RNGTT: variants seen among roughly 807,000 people sequenced by gnomAD.
RNGTT encodes the protein mRNA-capping enzyme.
In RNGTT, 33 loss-of-function variants were observed where a neutral mutation model predicts 79.3. That is an observed-to-expected ratio of 0.42 (90% CI 0.32 to 0.56). The LOEUF (loss-of-function observed/expected upper bound fraction) is 0.56. RNGTT is among the 20% of genes least tolerant of loss of function. The pLI is 0.17. For synonymous variants in RNGTT, 222 were observed against 235.9 expected (o/e 0.94, Z 0.54); for missense variants, 497 against 739.1 (o/e 0.67, Z 3.80).
At chr6:88,909,794 A>G (rs1347722866) in intron 4 of RNGTT, among the ~76,000 whole-genome samples, 2 of 152,152 alleles carry the variant, frequency 1.3e-5, no homozygotes, top group East Asian at 3.9e-4. Flanking sequence ...TGAATTACAC[A>G]GCAAAACAAA....
At chr6:88,890,360 A>C in intron 8 of RNGTT, 135 bp downstream of exon 8, 3 of 614,322 alleles carry the variant, frequency 4.9e-6, no homozygotes, top group Non-Finnish European at 5.5e-6. Context: ...CCAAAAATAT[A>C]TAATTTTTGA....
At chr6:88,750,309 A>G (rs1313019863) in intron 13 of RNGTT, among the ~76,000 whole-genome samples, 1 of 152,156 alleles carries the variant, frequency 6.6e-6, no homozygotes, top group Non-Finnish European at 1.5e-5. Flanking sequence ...AGCAAGGGTA[A>G]TATGGTAAGA....
chr6:88,932,400 C>T (rs547746658), intron 2 of RNGTT, among the ~76,000 whole-genome samples: 1 of 152,260 alleles, frequency 6.6e-6, no homozygotes, highest in African/African-American at 2.4e-5. Context: ...CCCTGACCTT[C>T]TGCCTTGTGA....
chr6:88,955,288 T>C (rs929561639), intron 1 of RNGTT, among the ~76,000 whole-genome samples: 2 of 152,036 alleles, frequency 1.3e-5, no homozygotes, highest in African/African-American at 4.8e-5. Flanking sequence ...TGGTGGCTCA[T>C]GCCTGCAATC....
At chr6:88,866,371 C>G (rs938090124) in intron 8 of RNGTT, among the ~76,000 whole-genome samples, 4 of 152,076 alleles carry the variant, frequency 2.6e-5, no homozygotes, top group Non-Finnish European at 5.9e-5. Context: ...ACAAGAAAAA[C>G]CAGACTAGAT....
intron 13 of RNGTT, among the ~76,000 whole-genome samples, chr6:88,769,397 C>G (rs748037409): frequency 4.6e-5 from 7 of 151,994 alleles, no homozygotes; most frequent in Non-Finnish European, 7.4e-5. Flanking sequence ...TGTGCTCAAG[C>G]AATCTGCCTA....
chr6:88,817,669 C>T (rs916463720), intron 11 of RNGTT, among the ~76,000 whole-genome samples: 1 of 151,594 alleles, frequency 6.6e-6, no homozygotes, highest in African/African-American at 2.4e-5. Context: ...AACCCTATTC[C>T]TTCACGTACT....
At chr6:88,871,858 CT>C (rs1481789882) in intron 8 of RNGTT, among the ~76,000 whole-genome samples, 2 of 152,104 alleles carry the variant, frequency 1.3e-5, no homozygotes, top group Non-Finnish European at 2.9e-5. Flanking sequence ...CATAAATCCC[CT>C]CTCCAGGAGT....
At chr6:88,724,208 T>A (rs545951955) in intron 13 of RNGTT, among the ~76,000 whole-genome samples, 109 of 152,302 alleles carry the variant, frequency 7.2e-4, no homozygotes, top group Middle Eastern at 3.4e-3. Flanking sequence ...GAGTATGTAG[T>A]AATGTCATAG....
At chr6:88,670,531 T>C (rs1389775059) in intron 14 of RNGTT, among the ~76,000 whole-genome samples, 3 of 152,108 alleles carry the variant, frequency 2.0e-5, no homozygotes, top group Non-Finnish European at 4.4e-5. Context: ...TCCCATTGTC[T>C]CCTGTTTCAT....
intron 13 of RNGTT, among the ~76,000 whole-genome samples, chr6:88,702,080 T>C (rs1210451727): frequency 2.0e-5 from 3 of 151,814 alleles, no homozygotes. Flanking sequence ...CACAAACAAA[T>C]AGAAAACATT....
intron 11 of RNGTT, among the ~76,000 whole-genome samples, chr6:88,811,401 T>C (rs889091726): frequency 2.0e-5 from 3 of 152,220 alleles, no homozygotes; most frequent in Non-Finnish European, 4.4e-5. Flanking sequence ...ACAGAGGGCA[T>C]GTAGCATGGA....
intron 8 of RNGTT, among the ~76,000 whole-genome samples, chr6:88,861,951 C>G (rs1025371303): frequency 8.5e-5 from 13 of 152,080 alleles, no homozygotes; most frequent in Middle Eastern, 3.2e-3. Context: ...TAGGAATAAG[C>G]TTTAGAGGCT....
chr6:88,641,831 A>T (rs1297923812), intron 14 of RNGTT, among the ~76,000 whole-genome samples: 1 of 152,214 alleles, frequency 6.6e-6, no homozygotes, highest in African/African-American at 2.4e-5. Context: ...GCTTTTTGTC[A>T]TCTTGGCTGT....
At chr6:88,792,394 C>G (rs1055652331) in intron 12 of RNGTT, among the ~76,000 whole-genome samples, 1 of 152,000 alleles carries the variant, frequency 6.6e-6, no homozygotes, top group African/African-American at 2.4e-5. Flanking sequence ...CAGAAAAAGG[C>G]TATTTGAACT....
rs146176643 is a variant in RNGTT at position 88,687,560 on chromosome 6, C to T, written c.1440-9141G>A. On this transcript the variant is annotated intron_variant, in intron 13 of 15. Transcript: ENST00000369485. ...CATGGCAGAGTGGTTAAATAAGCTACGGTTAAATCCACACAGTGGAATAAT... is the reference window on the plus strand; with the variant it reads ...CATGGCAGAGTGGTTAAATAAGCTATGGTTAAATCCACACAGTGGAATAAT... Among the ~76,000 whole-genome samples, 580 of 152,154 alleles carry T rather than the reference C, an allele frequency of 3.8e-3. 2 individuals carry two copies. Among genetic ancestry groups the T allele is most frequent in the African/African-American group, 0.013 (557 of 41,514 alleles).
intron 4 of RNGTT, among the ~76,000 whole-genome samples, chr6:88,915,656 A>G (rs144260997): frequency 6.6e-6 from 1 of 152,168 alleles, no homozygotes. Flanking sequence ...AAAACTCCCT[A>G]TTGGGTACTA....
At chr6:88,858,572 T>C (rs1357737975) in intron 8 of RNGTT, among the ~76,000 whole-genome samples, 1 of 152,194 alleles carries the variant, frequency 6.6e-6, no homozygotes, top group African/African-American at 2.4e-5. Context: ...AGCACTTTTA[T>C]TAACTCATTT....
chr6:88,636,510 T>A (rs879497602), intron 14 of RNGTT, among the ~76,000 whole-genome samples: 5 of 152,020 alleles, frequency 3.3e-5, no homozygotes, highest in Non-Finnish European at 2.9e-5. Context: ...CTCTTATCCA[T>A]ATAATCTGAA....
Sources: allele counts gnomAD v4.1 joint callset (sites outside exome capture counted in the v4.1 genomes callset), GRCh38; gene constraint gnomAD v4.1.1; transcripts MANE v1.5; gene names NCBI Gene and HGNC (gene_info 2026-07-23, HGNC 2026-07-21).